BICD1: variants seen among roughly 807,000 people sequenced by gnomAD.
BICD1 encodes protein bicaudal D homolog 1.
A neutral mutation model predicts 92.5 loss-of-function variants in BICD1; 35 were observed. The ratio of observed to expected loss-of-function variants is 0.38; its 90% CI spans 0.29 to 0.50. The LOEUF (loss-of-function observed/expected upper bound fraction) is 0.50, where lower values mean the gene tolerates loss of function less well. BICD1 is among the 20% of genes least tolerant of loss of function. The probability of loss-of-function intolerance (pLI) is 0.93; values close to 1 mark genes in which losing one functional copy is unlikely to be tolerated. For missense variants in BICD1, 950 were observed against 1,189.8 expected (o/e 0.80, Z 2.97); for synonymous variants, 429 against 465.1 (o/e 0.92, Z 1.00).
intron 7 of BICD1, 50 bp from the exon 8 acceptor site, chr12:32,338,727 GGTAATTAAA>G: frequency 7.1e-7 from 1 of 1,407,362 alleles, no homozygotes; most frequent in Non-Finnish European, 9.7e-7. Context: ...GGCGTTAAAA[GGTAATTAAA>G]GTAAAACTTT....
At position 32,108,725 on chromosome 12, in the gene BICD1, G is replaced by T. The variant is rs541011923; in HGVS notation, c.213+1181G>T. 12 of 667,340 alleles carry T rather than the reference G, an allele frequency of 1.8e-5. 2 individuals are homozygous for T. In the Admixed American group the frequency reaches 2.6e-4, roughly 15 times the overall value. 41.3% of individuals were successfully genotyped at this position (667,340 alleles called of 1,614,324 possible). On this transcript the variant is annotated intron_variant, in intron 1 of 9. Transcript: ENST00000652176. ...AATATGGTAAGCATTTATACTTTTA[G>T]ATATGTCTTATTTTTATTTGGATGC...
chr12:32,356,701 A>G (rs2136314077), intron 8 of BICD1, among the ~76,000 whole-genome samples: 1 of 152,136 alleles, frequency 6.6e-6, no homozygotes, highest in East Asian at 1.9e-4. Context: ...TGGCAAATGC[A>G]AGGAAATTAT....
chr12:32,107,145 C>G lies in BICD1; in HGVS notation c.-187C>G, dbSNP rs936085954. Reference sequence around the variant, plus strand: ...CTGTTCTCCATGTTGCATTTCTCGTCAGTTTCTCGGGCGGTGTAGCTGCCG... The same window carrying G: ...CTGTTCTCCATGTTGCATTTCTCGTGAGTTTCTCGGGCGGTGTAGCTGCCG... On this transcript the variant is annotated 5_prime_UTR_variant, in exon 1 of 10. The change creates a premature stop within an existing upstream ORF in the 5' untranslated region. Transcript: ENST00000652176. 9.7e-6 allele frequency: 6 copies of G among 620,784 alleles called. No individual in the cohort carries two copies. Among genetic ancestry groups the G allele is most frequent in the Non-Finnish European group, 1.7e-5 (6 of 355,290 alleles). The allele number at this position is 620,784 out of a possible 1,614,324, so 38.5% of individuals were successfully genotyped here. A position where few individuals can be genotyped will look rare whatever the true frequency, so the allele number is the denominator to read the frequency against.
intron 3 of BICD1, among the ~76,000 whole-genome samples, chr12:32,302,836 CTT>C (rs1948094194): frequency 2.2e-5 from 3 of 136,608 alleles, no homozygotes; most frequent in African/African-American, 5.3e-5. Flanking sequence ...AATATTGACT[CTT>C]TTGAGTAATT....
chr12:32,251,815 T>A lies in BICD1; in HGVS notation c.426+35356T>A, dbSNP rs76182298. ...AGTTGTTCTTGGTGTAGTTTCCAGG[T>A]AAAGCAGGATGTACATTTACACTTT... On this transcript the variant is annotated intron_variant, in intron 2 of 9. Transcript: ENST00000652176. 7.0e-3 allele frequency among the ~76,000 whole-genome samples: 1,057 copies of A among 150,898 alleles called. 12 individuals carry two copies. The highest frequency in any genetic ancestry group is 0.025 in the African/African-American group (1,011 of 41,158).
chr12:32,254,035 TATCCCACCTGCCGTATTCACTGCCGA>T (rs71460981), intron 2 of BICD1, among the ~76,000 whole-genome samples: 43,173 of 133,190 alleles, frequency 0.32, 8,130 homozygotes, highest in Non-Finnish European at 0.39. Context: ...TCACTGCCCA[TATCCCACCTGCCGTATTCACTGCCGA>T]ATCCCACCTG....
intron 9 of BICD1, among the ~76,000 whole-genome samples, chr12:32,376,598 T>C (rs1386871780): frequency 6.7e-5 from 10 of 149,232 alleles, no homozygotes; most frequent in Non-Finnish European, 1.5e-5. Flanking sequence ...CTGGGCTCGG[T>C]GGCTCACGCC....
chr12:32,276,797 C>T (rs792862), intron 2 of BICD1, among the ~76,000 whole-genome samples: 149,256 of 152,342 alleles, frequency 0.98, 73,193 homozygotes, highest in East Asian at 1. Context: ...TGCCTCTTTT[C>T]TAAAAATATT....
intron 1 of BICD1, among the ~76,000 whole-genome samples, chr12:32,202,488 T>A (rs1210053787): frequency 6.6e-6 from 1 of 152,236 alleles, no homozygotes. Flanking sequence ...CTGACTAAGC[T>A]TCATCAATAT....
At chr12:32,303,801 G>A (rs1365607052) in intron 3 of BICD1, among the ~76,000 whole-genome samples, 1 of 152,146 alleles carries the variant, frequency 6.6e-6, no homozygotes, top group African/African-American at 2.4e-5. Flanking sequence ...CTGGCTGGGC[G>A]TGGTGGCTCA....
At chr12:32,126,806 T>C (rs1942360111) in intron 1 of BICD1, among the ~76,000 whole-genome samples, 1 of 151,972 alleles carries the variant, frequency 6.6e-6, no homozygotes, top group Non-Finnish European at 1.5e-5. Flanking sequence ...TGTAAAAATA[T>C]AAATATACAA....
intron 1 of BICD1, among the ~76,000 whole-genome samples, chr12:32,159,058 C>A (rs907262075): frequency 6.6e-6 from 1 of 152,060 alleles, no homozygotes; most frequent in Non-Finnish European, 1.5e-5. Flanking sequence ...CTCAGCCTCC[C>A]GAGTAGCTGG....
intron 1 of BICD1, among the ~76,000 whole-genome samples, chr12:32,150,234 CTG>C (rs895216049): frequency 2.6e-5 from 4 of 152,220 alleles, no homozygotes; most frequent in African/African-American, 9.6e-5. Context: ...CACAGCCAAA[CTG>C]TATCAACTAT....
chr12:32,231,563 A>C (rs977845910), intron 2 of BICD1, among the ~76,000 whole-genome samples: 4 of 9,886 alleles, frequency 4.0e-4, no homozygotes, highest in East Asian at 4.1e-3. Flanking sequence ...TGACTGCTTT[A>C]TTTATTTATT....
intron 2 of BICD1, among the ~76,000 whole-genome samples, chr12:32,268,140 TG>T (rs1322187576): frequency 6.6e-6 from 1 of 152,210 alleles, no homozygotes; most frequent in East Asian, 1.9e-4. Flanking sequence ...TTTTAATTGC[TG>T]GACAGTTTGA....
Position 32,367,676 on chromosome 12 carries a change from A to G in BICD1, c.2771A>G (p.Gln924Arg). ...ATTTATCAGTTTCTTGTAGATTGTC[A>G]GCAGCCTGCTGCCTCCGTACCGCCA... ...KRLTVAPPDC[Q>R]QPAASVPPQC... Residue 924 changes from glutamine (Q) to arginine (R), a missense_variant, in exon 9 of 10, where the codon CAG becomes CGG. By Grantham distance (43) the Gln-to-Arg change is conservative. Coordinates refer to ENST00000652176, the MANE Select transcript of BICD1 (RefSeq NM_001714.4). 6.2e-7 allele frequency: 1 copy of G among 1,613,948 alleles called. No individual in the cohort carries two copies. The highest frequency in any genetic ancestry group is 8.5e-7 in the Non-Finnish European group (1 of 1,179,998).
chr12:32,370,434 T>C (rs1939696441), intron 9 of BICD1, among the ~76,000 whole-genome samples: 1 of 149,438 alleles, frequency 6.7e-6, no homozygotes, highest in Non-Finnish European at 1.5e-5. Context: ...TTCAAACTCG[T>C]CTCAGTGGGA....
At chr12:32,351,354 C>T (rs1358046840) in intron 8 of BICD1, among the ~76,000 whole-genome samples, 4 of 150,602 alleles carry the variant, frequency 2.7e-5, no homozygotes, top group African/African-American at 4.9e-5. Context: ...GGCATGGTGG[C>T]GCACGCCTGT....
chr12:32,155,668 A>G (rs1943415875), intron 1 of BICD1, among the ~76,000 whole-genome samples: 1 of 152,162 alleles, frequency 6.6e-6, no homozygotes, highest in Non-Finnish European at 1.5e-5. Flanking sequence ...TGTGCCTCAA[A>G]TTGCCTGAAA....
Sources: gnomAD v4.1 joint callset for allele counts (sites outside exome capture counted in the v4.1 genomes callset) on GRCh38, gnomAD v4.1.1 for gene constraint, MANE v1.5 for transcripts, NCBI Gene and HGNC (gene_info 2026-07-23, HGNC 2026-07-21) for gene names.